The following CSMD1 variants were observed in gnomAD, a reference collection of about 807,000 sequenced individuals.
The protein encoded by CSMD1 is CUB and sushi domain-containing protein 1.
CSMD1 carries 213 observed loss-of-function variants against 417.5 expected under a neutral mutation model. That is an observed-to-expected ratio of 0.51 (90% CI 0.46 to 0.57). CSMD1 has a LOEUF of 0.57. Among genes scored for constraint, CSMD1 ranks in the 20% least tolerant of loss-of-function variants. CSMD1 has a pLI of 0.00. For synonymous variants in CSMD1, 2,862 were observed against 1,736.8 expected (o/e 1.65, Z -16.11); for missense variants, 6,923 against 4,529.7 (o/e 1.53, Z -15.17).
intron 1 of CSMD1, among the ~76,000 whole-genome samples, chr8:4,723,437 G>A (rs1809194620): frequency 6.6e-6 from 1 of 152,148 alleles, no homozygotes; most frequent in Non-Finnish European, 1.5e-5. Context: ...ACATAATAAT[G>A]TGAAATATAC....
chr8:4,479,609 T>A (rs1390365216), intron 2 of CSMD1, among the ~76,000 whole-genome samples: 6 of 152,086 alleles, frequency 3.9e-5, no homozygotes, highest in African/African-American at 1.4e-4. Context: ...TAAAAATGAC[T>A]TTCCAGCTGG....
chr8:4,607,193 C>G (rs568334135), intron 2 of CSMD1, among the ~76,000 whole-genome samples: 1 of 151,546 alleles, frequency 6.6e-6, no homozygotes, highest in Non-Finnish European at 1.5e-5. Context: ...TTGATAGTGT[C>G]GGCAGGAGTG....
intron 5 of CSMD1, among the ~76,000 whole-genome samples, chr8:3,801,190 A>C (rs957122464): frequency 3.9e-5 from 6 of 152,072 alleles, no homozygotes; most frequent in African/African-American, 1.2e-4. Flanking sequence ...TAATGAGAGA[A>C]AATATTTGCA....
At chr8:4,400,627 C>A (rs1228437321) in intron 3 of CSMD1, among the ~76,000 whole-genome samples, 1 of 152,222 alleles carries the variant, frequency 6.6e-6, no homozygotes, top group Non-Finnish European at 1.5e-5. Context: ...CCAGACTGAC[C>A]TGCAATCTTG....
At chr8:4,896,821 T>C (rs994232072) in intron 1 of CSMD1, among the ~76,000 whole-genome samples, 26 of 151,890 alleles carry the variant, frequency 1.7e-4, no homozygotes, top group Non-Finnish European at 3.2e-4. Context: ...TGCAGGGCTA[T>C]CCAGTGAGAG....
chr8:4,125,205 G>T (rs958459043), intron 3 of CSMD1, among the ~76,000 whole-genome samples: 4 of 152,100 alleles, frequency 2.6e-5, no homozygotes, highest in Non-Finnish European at 4.4e-5. Context: ...AAACTAAAGG[G>T]AAAGGTCGAG....
intron 7 of CSMD1, among the ~76,000 whole-genome samples, chr8:3,699,726 C>T (rs1338284670): frequency 6.6e-6 from 1 of 152,184 alleles, no homozygotes; most frequent in Non-Finnish European, 1.5e-5. Flanking sequence ...AGATGCTGAT[C>T]ATCTTTATGA....
intron 37 of CSMD1, 88 bp downstream of exon 37, chr8:3,181,022 C>T: frequency 1.3e-6 from 1 of 780,262 alleles, no homozygotes; most frequent in East Asian, 2.7e-5. Context: ...TAATATTTCA[C>T]TGTTTAATAA....
intron 3 of CSMD1, among the ~76,000 whole-genome samples, chr8:4,269,249 G>C (rs1459949070): frequency 6.6e-6 from 1 of 152,074 alleles, no homozygotes; most frequent in East Asian, 1.9e-4. Flanking sequence ...CAGAGATGAG[G>C]TTTCACCATG....
chr8:3,983,030 A>G (rs1027137129), intron 5 of CSMD1, among the ~76,000 whole-genome samples: 3 of 151,924 alleles, frequency 2.0e-5, no homozygotes, highest in Admixed American at 2.0e-4. Context: ...GGGATAAATC[A>G]TGGGGCCGGG....
At chr8:3,297,797 G>A (rs1402190016) in intron 25 of CSMD1, among the ~76,000 whole-genome samples, 2 of 151,942 alleles carry the variant, frequency 1.3e-5, no homozygotes, top group African/African-American at 4.8e-5. Context: ...CAAAGTTTGT[G>A]GCATAGCATA....
At chr8:4,296,098 G>A (rs999035045) in intron 3 of CSMD1, among the ~76,000 whole-genome samples, 9 of 152,000 alleles carry the variant, frequency 5.9e-5, no homozygotes, top group Non-Finnish European at 1.3e-4. Flanking sequence ...TTTTCTCTTT[G>A]CAAGGAGAGA....
intron 3 of CSMD1, among the ~76,000 whole-genome samples, chr8:4,403,964 C>T (rs944495302): frequency 1.3e-5 from 2 of 152,312 alleles, no homozygotes; most frequent in African/African-American, 2.4e-5. Flanking sequence ...CCTTTGGCAT[C>T]ACCCCTAAAA....
intron 1 of CSMD1, among the ~76,000 whole-genome samples, chr8:4,857,178 A>G (rs1179092070): frequency 1.3e-5 from 2 of 150,870 alleles, no homozygotes; most frequent in Admixed American, 6.6e-5. Context: ...TGGGTACATA[A>G]CGAAATGAAG....
At chr8:3,674,811 G>C (rs925304803) in intron 7 of CSMD1, among the ~76,000 whole-genome samples, 1 of 152,142 alleles carries the variant, frequency 6.6e-6, no homozygotes, top group Non-Finnish European at 1.5e-5. Flanking sequence ...AATTCCAAAT[G>C]AGGCTGCACT....
At chr8:4,852,475 G>A (rs144687704) in intron 1 of CSMD1, among the ~76,000 whole-genome samples, 1 of 152,136 alleles carries the variant, frequency 6.6e-6, no homozygotes, top group South Asian at 2.1e-4. Flanking sequence ...GGCCTCACCA[G>A]TTGAGGCCTC....
chr8:4,399,247 A>T (rs1804479343), intron 3 of CSMD1, among the ~76,000 whole-genome samples: 1 of 152,206 alleles, frequency 6.6e-6, no homozygotes, highest in Admixed American at 6.5e-5. Flanking sequence ...CCTTGTGTGT[A>T]ATTCCTCCCC....
At chr8:4,039,988 A>G (rs1288772440) in intron 3 of CSMD1, among the ~76,000 whole-genome samples, 1 of 152,238 alleles carries the variant, frequency 6.6e-6, no homozygotes, top group Non-Finnish European at 1.5e-5. Flanking sequence ...GGCACTCGGT[A>G]CAGGTTAAGT....
chr8:4,762,588 G>A (rs1033796338), intron 1 of CSMD1, among the ~76,000 whole-genome samples: 1 of 152,076 alleles, frequency 6.6e-6, no homozygotes, highest in Non-Finnish European at 1.5e-5. Context: ...GGAAGAACCA[G>A]TGCATCCCTC....
Sources: gnomAD v4.1 joint callset for allele counts (sites outside exome capture counted in the v4.1 genomes callset) on GRCh38, gnomAD v4.1.1 for gene constraint, MANE v1.5 for transcripts, NCBI Gene and HGNC (gene_info 2026-07-23, HGNC 2026-07-21) for gene names.